Variants in SLIT3 observed in about 807,000 individuals in gnomAD.
SLIT3 encodes slit guidance ligand 3.
A neutral mutation model predicts 184.0 loss-of-function variants in SLIT3; 68 were observed. That is an observed-to-expected ratio of 0.37 (90% CI 0.30 to 0.45). The LOEUF (loss-of-function observed/expected upper bound fraction) is 0.45, where lower values mean the gene tolerates loss of function less well. Among genes scored for constraint, SLIT3 ranks in the 20% least tolerant of loss-of-function variants. The pLI, the probability that SLIT3 is intolerant of heterozygous loss-of-function variation, is 1.00. For synonymous variants in SLIT3, 831 were observed against 828.6 expected (o/e 1.00, Z -0.05); for missense variants, 1,707 against 2,026.0 (o/e 0.84, Z 3.02).
chr5:169,279,921 T>C (rs557175567), intron 1 of SLIT3, among the ~76,000 whole-genome samples: 144 of 152,380 alleles, frequency 9.5e-4, no homozygotes, highest in African/African-American at 3.3e-3. Context: ...GCCTGGCACA[T>C]GTCACTTATT....
intron 34 of SLIT3, among the ~76,000 whole-genome samples, chr5:168,670,263 A>G (rs1170787267): frequency 1.3e-5 from 2 of 152,226 alleles, no homozygotes; most frequent in African/African-American, 4.8e-5. Flanking sequence ...TCATGCAGCC[A>G]AGTAGCAAAC....
chr5:169,035,446 G>A (rs554049601), intron 4 of SLIT3, among the ~76,000 whole-genome samples: 9 of 152,034 alleles, frequency 5.9e-5, no homozygotes, highest in African/African-American at 1.9e-4. Flanking sequence ...TCAGGAGATC[G>A]AGACCATCCT....
intron 9 of SLIT3, among the ~76,000 whole-genome samples, chr5:168,799,136 C>T (rs1428016756): frequency 6.6e-6 from 1 of 152,206 alleles, no homozygotes; most frequent in Non-Finnish European, 1.5e-5. Flanking sequence ...TGCAGGTTCA[C>T]ATGCAGTCTC....
intron 14 of SLIT3, 51 bp downstream of exon 14, chr5:168,772,730 G>A (rs750419823): frequency 6.9e-6 from 11 of 1,604,414 alleles, no homozygotes; most frequent in African/African-American, 1.3e-5. Flanking sequence ...CCTCTCTGGG[G>A]CTGCTGCATT....
intron 3 of SLIT3, among the ~76,000 whole-genome samples, chr5:169,229,647 TC>T (rs1764928514): frequency 9.8e-6 from 1 of 102,254 alleles, no homozygotes; most frequent in Non-Finnish European, 1.9e-5. Context: ...AATTCTTCTC[TC>T]TCTCTCTCTC....
At chr5:169,026,614 A>T (rs1459961937) in intron 4 of SLIT3, 2 of 152,378 alleles carry the variant, frequency 1.3e-5, no homozygotes, top group African/African-American at 4.8e-5. Flanking sequence ...ACAAAACAAC[A>T]TGCATAGCAT....
chr5:168,921,667 C>T (rs781395685), intron 4 of SLIT3, among the ~76,000 whole-genome samples: 62 of 152,154 alleles, frequency 4.1e-4, no homozygotes, highest in Non-Finnish European at 7.8e-4. Flanking sequence ...CTCTTTCCTC[C>T]GGCTGCATCT....
chr5:168,890,523 C>T (rs1307966943), intron 4 of SLIT3, among the ~76,000 whole-genome samples: 1 of 152,198 alleles, frequency 6.6e-6, no homozygotes, highest in African/African-American at 2.4e-5. Flanking sequence ...GAACAAAATA[C>T]ACATTCATTC....
intron 4 of SLIT3, among the ~76,000 whole-genome samples, chr5:168,932,210 A>G (rs145524893): frequency 1.3e-3 from 199 of 150,604 alleles, no homozygotes; most frequent in African/African-American, 4.4e-3. Flanking sequence ...TCAGCCCCAA[A>G]TGCCAACTCC....
intron 25 of SLIT3, 93 bp downstream of exon 25, chr5:168,710,802 C>T: frequency 8.8e-7 from 1 of 1,130,480 alleles, no homozygotes; most frequent in South Asian, 2.7e-5. Context: ...TTTCTGAAGC[C>T]ACATCTGTTG....
At chr5:168,692,178 C>T (rs898117220) in intron 29 of SLIT3, among the ~76,000 whole-genome samples, 3 of 152,190 alleles carry the variant, frequency 2.0e-5, no homozygotes, top group Admixed American at 1.3e-4. Flanking sequence ...GGAGGGGCAG[C>T]GTACTGCAAA....
At chr5:169,011,131 C>T (rs1756128667) in intron 4 of SLIT3, among the ~76,000 whole-genome samples, 1 of 152,096 alleles carries the variant, frequency 6.6e-6, no homozygotes, top group South Asian at 2.1e-4. Context: ...GCCTCCAGTC[C>T]AGCTCTGCTC....
rs772201491 is a variant in SLIT3 at position 168,817,309 on chromosome 5, C to G, written c.784G>C (p.Val262Leu). 12 of 1,614,140 alleles carry G rather than the reference C, an allele frequency of 7.4e-6. No homozygotes were observed. The highest frequency in any genetic ancestry group is 1.7e-4 in the Middle Eastern group (1 of 6,060). Residue 262 changes from valine (V) to leucine (L), a missense_variant, in exon 8 of 36, where the codon GTG (valine) becomes CTG (leucine). Val to Leu is a conservative substitution (Grantham distance 32). This residue lies in a region of SLIT3 where 1,307 missense variants were observed against 1,511.6 expected (regional missense o/e 0.86). Coordinates refer to ENST00000519560, the MANE Select transcript of SLIT3 (RefSeq NM_003062.4). ...NVADVQKKEYVCPAPHSEPPS... is the reference protein window; with the variant it reads ...NVADVQKKEYLCPAPHSEPPS... ...GGTAAAGCATCCTCACCTGGGCACA[C>G]GTACTCCTTCTTCTGCACATCCGCC...
chr5:169,020,961 A>G (rs1272968947), intron 4 of SLIT3, among the ~76,000 whole-genome samples: 1 of 152,200 alleles, frequency 6.6e-6, no homozygotes, highest in East Asian at 1.9e-4. Flanking sequence ...GGAACAGTGA[A>G]GTGTCAGGGT....
chr5:168,775,349 T>G (rs1347392376), intron 12 of SLIT3, among the ~76,000 whole-genome samples: 1 of 152,134 alleles, frequency 6.6e-6, no homozygotes, highest in Non-Finnish European at 1.5e-5. Context: ...CCACTGCATT[T>G]TCATTCCTCA....
At chr5:168,768,668 C>T (rs1755433902) in intron 14 of SLIT3, among the ~76,000 whole-genome samples, 1 of 152,238 alleles carries the variant, frequency 6.6e-6, no homozygotes. Context: ...ATCCCCCCAA[C>T]AGCTGAGTGG....
chr5:168,817,610 T>C (rs1757377289), intron 7 of SLIT3, 147 bp from the exon 8 acceptor site: 1 of 702,824 alleles, frequency 1.4e-6, no homozygotes, highest in Non-Finnish European at 2.4e-6. Flanking sequence ...CCCTCTGCAC[T>C]ACCAAAAACA....
chr5:168,827,279 T>C (rs184641117), intron 6 of SLIT3, among the ~76,000 whole-genome samples: 157 of 152,338 alleles, frequency 1.0e-3, no homozygotes, highest in Non-Finnish European at 1.9e-3. Context: ...CTTACAGTTT[T>C]GCAGTCAGAA....
chr5:168,790,488 C>T (rs978094781), intron 10 of SLIT3: 1 of 152,194 alleles, frequency 6.6e-6, no homozygotes, highest in African/African-American at 2.4e-5. Context: ...CTTCTGAGAA[C>T]CTGGACACCA....
Sources: allele counts gnomAD v4.1 joint callset (sites outside exome capture counted in the v4.1 genomes callset), GRCh38; gene constraint gnomAD v4.1.1; regional missense constraint gnomAD v4.1.1; transcripts MANE v1.5; gene names NCBI Gene and HGNC (gene_info 2026-07-23, HGNC 2026-07-21).